Variants in DNAH3 observed in about 807,000 individuals in gnomAD.
DNAH3 encodes the protein axonemal beta dynein heavy chain 3.
DNAH3 carries 332 observed loss-of-function variants against 432.5 expected under a neutral mutation model. The observed-to-expected ratio is 0.77, with a 90% CI of 0.70 to 0.84. DNAH3 has a LOEUF of 0.84. DNAH3 is among the 40% of genes least tolerant of loss of function. The probability of loss-of-function intolerance (pLI) is 0.00; values close to 1 mark genes in which losing one functional copy is unlikely to be tolerated. For synonymous variants in DNAH3, 1,956 were observed against 1,900.2 expected (o/e 1.03, Z -0.76); for missense variants, 4,861 against 5,114.0 (o/e 0.95, Z 1.51).
chr16:21,062,512 G>T (rs2090396362), exon 25 of DNAH3: 1 of 1,614,094 alleles, frequency 6.2e-7, no homozygotes, highest in Non-Finnish European at 8.5e-7. Context: ...TTTTCTGTAT[G>T]AATGGAACAG....
chr16:21,159,367 T>C (rs977782862), exon 1 of DNAH3: 2 of 1,614,108 alleles, frequency 1.2e-6, no homozygotes. Flanking sequence ...TCTCCCTGGC[T>C]TTTGAACGCT....
chr16:21,097,290 G>T (rs2152791283), intron 18 of DNAH3, 65 bp downstream of exon 18: 1 of 1,586,610 alleles, frequency 6.3e-7, no homozygotes, highest in Non-Finnish European at 8.6e-7. Context: ...CCATATTTCA[G>T]AAGTGACTGG....
intron 42 of DNAH3, among the ~76,000 whole-genome samples, chr16:21,001,759 T>C (rs1287291754): frequency 6.6e-6 from 1 of 152,156 alleles, no homozygotes; most frequent in African/African-American, 2.4e-5. Flanking sequence ...CAAAGCCATA[T>C]AGCCAGCAAG....
intron 48 of DNAH3, among the ~76,000 whole-genome samples, chr16:20,983,279 C>T (rs1173838108): frequency 6.6e-6 from 1 of 152,108 alleles, no homozygotes; most frequent in East Asian, 1.9e-4. Flanking sequence ...GCACCCACCA[C>T]CACTTCCAGC....
At chr16:21,157,091 T>A (rs756026291) in intron 1 of DNAH3, among the ~76,000 whole-genome samples, 1 of 152,104 alleles carries the variant, frequency 6.6e-6, no homozygotes, top group Non-Finnish European at 1.5e-5. Flanking sequence ...CAGACAAGAT[T>A]GGCTAAAACT....
rs567221415 is a variant in DNAH3 at position 20,933,210 on chromosome 16, G to A, written c.12295C>T (p.Pro4099Ser). The change falls in exon 62 of 62, where the codon CCC becomes TCC. Residue 4099 changes from proline (P) to serine (S), a missense_variant. Physicochemically the swap from Pro to Ser is moderately conservative, Grantham distance 74 (BLOSUM62 -1). Coordinates refer to ENST00000261383, the Ensembl canonical transcript of DNAH3. ...CCTCGGTTTATCCAGTGCTTCTGGG[G>A]CATGTCTGTTGGAAGCTCAATGGAG... 71 of 1,614,242 alleles carry A rather than the reference G, an allele frequency of 4.4e-5. No homozygotes were observed. The African/African-American group carries it at 8.4e-4, about 19-fold the overall frequency.
chr16:21,141,404 T>C, intron 3 of DNAH3, 32 bp from the exon 5 acceptor site: 1 of 1,517,906 alleles, frequency 6.6e-7, no homozygotes, highest in Non-Finnish European at 9.0e-7. Context: ...ACATCAGTGA[T>C]GGGCAATGGC....
chr16:20,970,937 G>A (rs930682616), intron 51 of DNAH3, among the ~76,000 whole-genome samples: 3 of 146,136 alleles, frequency 2.1e-5, no homozygotes, highest in Middle Eastern at 3.2e-3. Context: ...GTGCTATCTC[G>A]GCTCACTGCA....
At position 21,039,213 on chromosome 16, in the gene DNAH3, GC is replaced by G. The variant is rs763316087; in HGVS notation, c.4730+638del. Among the ~76,000 whole-genome samples, 327 of 103,664 alleles carry G rather than the reference GC, an allele frequency of 3.2e-3. 6 individuals carry two copies. Among genetic ancestry groups the G allele is most frequent in the African/African-American group, 8.2e-3 (211 of 25,622 alleles). 68.0% of individuals were successfully genotyped at this position (103,664 alleles called of 152,430 possible). Reference sequence around the variant, plus strand: ...ATAATTGCATATGTTTTATAGTGTTGCTTTTTTTTTTTTTTTTTTTTTTGAG... The same window carrying G: ...ATAATTGCATATGTTTTATAGTGTTGTTTTTTTTTTTTTTTTTTTTTTGAG... On this transcript the variant is annotated intron_variant, in intron 33 of 61. Transcript: ENST00000261383.
chr16:21,022,108 T>C lies in DNAH3; in HGVS notation c.5647-8A>G, dbSNP rs768398399. The stretch of plus-strand genomic sequence containing the variant: ...CATGAACATGTCATTGACCTGAGAG[T>C]AGAAACCTCCATGAGACTTGGAGAC... On this transcript the variant is annotated splice_region_variant and splice_polypyrimidine_tract_variant and intron_variant, in intron 39 of 61. Transcript: ENST00000261383. 8.7e-6 allele frequency: 14 copies of C among 1,613,296 alleles called. No homozygotes were observed. The highest frequency in any genetic ancestry group is 4.0e-5 in the African/African-American group (3 of 74,760).
chr16:20,945,236 T>C (rs1462919792), intron 57 of DNAH3, among the ~76,000 whole-genome samples: 1 of 152,170 alleles, frequency 6.6e-6, no homozygotes, highest in Non-Finnish European at 1.5e-5. Flanking sequence ...CTAATTATAA[T>C]GCATTAGCAT....
Position 20,941,462 on chromosome 16 carries a change from G to T in DNAH3, c.11593C>A (p.Pro3865Thr). 8 of 1,614,080 alleles carry T rather than the reference G, an allele frequency of 5.0e-6. No homozygotes were observed. The African/African-American group carries it at 9.3e-5, about 19-fold the overall frequency. Reference sequence around the variant, plus strand: ...TTCATGGATTCTTCATAGACCACGGGGTACAACTTCATGACCTCTTCCAGG... The same window carrying T: ...TTCATGGATTCTTCATAGACCACGGTGTACAACTTCATGACCTCTTCCAGG... The change falls in exon 59 of 62, where the codon CCC becomes ACC. Residue 3865 changes from proline (P) to threonine (T), a missense_variant. By Grantham distance (38) the Pro-to-Thr change is conservative. Transcript: ENST00000261383.
chr16:21,058,539 AT>A (rs1166696123), intron 26 of DNAH3, among the ~76,000 whole-genome samples: 3 of 152,018 alleles, frequency 2.0e-5, no homozygotes, highest in Non-Finnish European at 4.4e-5. Flanking sequence ...CTGAGTCACA[AT>A]TTTTTTAGCT....
chr16:21,095,442 G>A (rs1372611205), intron 18 of DNAH3, among the ~76,000 whole-genome samples: 1 of 152,194 alleles, frequency 6.6e-6, no homozygotes, highest in Non-Finnish European at 1.5e-5. Flanking sequence ...AAGCAGTCTT[G>A]AAAGATTGCA....
chr16:21,155,404 A>T (rs961767889), intron 1 of DNAH3, among the ~76,000 whole-genome samples: 30 of 152,156 alleles, frequency 2.0e-4, no homozygotes, highest in African/African-American at 7.0e-4. Context: ...CAGGCGGATC[A>T]CAAAGTCAGG....
At chr16:20,994,296 G>T (rs2152684453) in intron 44 of DNAH3, among the ~76,000 whole-genome samples, 1 of 152,260 alleles carries the variant, frequency 6.6e-6, no homozygotes, top group African/African-American at 2.4e-5. Context: ...GCCGGGCATT[G>T]TGGTGGGTGC....
intron 26 of DNAH3, 54 bp from the exon 27 acceptor site, chr16:21,058,250 G>T: frequency 1.7e-6 from 2 of 1,143,546 alleles, no homozygotes; most frequent in South Asian, 2.6e-5. Context: ...GGTTTAAACT[G>T]AGTTTACGAA....
chr16:21,089,456 T>C (rs1481309448), intron 18 of DNAH3, among the ~76,000 whole-genome samples: 3 of 152,234 alleles, frequency 2.0e-5, no homozygotes, highest in Non-Finnish European at 4.4e-5. Context: ...GTGAATCTTA[T>C]TCTGAGTCAT....
rs113100047 is a variant in DNAH3 at position 21,134,688 on chromosome 16, A to T, written c.887-234T>A. On this transcript the variant is annotated intron_variant, in intron 6 of 61. Transcript: ENST00000261383. ...GTCAACTCTTTTTATTTATTTATTT[A>T]TTTATTTTTTGAGATGGAGTCTCGC... 3.5e-3 allele frequency among the ~76,000 whole-genome samples: 522 copies of T among 151,030 alleles called. 1 individual carries two copies. The highest frequency in any genetic ancestry group is 0.012 in the African/African-American group (480 of 40,894).
Sources: gnomAD v4.1 joint callset for allele counts (sites outside exome capture counted in the v4.1 genomes callset) on GRCh38, gnomAD v4.1.1 for gene constraint, MANE v1.5 for transcripts, NCBI Gene and HGNC (gene_info 2026-07-23, HGNC 2026-07-21) for gene names.